Variants in MMP26 observed in about 807,000 individuals in gnomAD.
MMP26 encodes the protein matrix metalloproteinase-26.
Under a neutral mutation model 31.0 loss-of-function variants are expected in MMP26, and 33 were observed. That is an observed-to-expected ratio of 1.06 (90% CI 0.81 to 1.42). The LOEUF (loss-of-function observed/expected upper bound fraction) is 1.42, where lower values mean the gene tolerates loss of function less well. Ranked by LOEUF, MMP26 falls within the 40% of genes most tolerant of loss-of-function variation. The pLI is 0.00. For synonymous variants in MMP26, 122 were observed against 114.9 expected (o/e 1.06, Z -0.40); for missense variants, 347 against 316.1 (o/e 1.10, Z -0.74).
intron 2 of MMP26, among the ~76,000 whole-genome samples, chr11:4,881,551 T>C (rs1232354757): frequency 2.0e-5 from 3 of 152,142 alleles, no homozygotes; most frequent in Non-Finnish European, 4.4e-5. Context: ...GTACATCATA[T>C]ACAAGTATAA....
At chr11:4,955,503 A>G (rs1403048958) in intron 2 of MMP26, 1 of 1,307,438 alleles carries the variant, frequency 7.6e-7, no homozygotes, top group Admixed American at 2.0e-5. Context: ...CCCAAGTCTG[A>G]CATAGCCAAC....
chr11:4,933,669 C>A (rs113880840), intron 2 of MMP26, among the ~76,000 whole-genome samples: 1 of 150,770 alleles, frequency 6.6e-6, no homozygotes. Context: ...GTGCGCTGCA[C>A]CCACTAACTC....
chr11:4,866,934 C>T (rs1462756333), intron 2 of MMP26, among the ~76,000 whole-genome samples: 1 of 152,108 alleles, frequency 6.6e-6, no homozygotes, highest in Admixed American at 6.6e-5. Context: ...AAAATCAACT[C>T]AAGATGGACT....
chr11:4,828,650 C>A (rs1008658264), intron 2 of MMP26, among the ~76,000 whole-genome samples: 1 of 152,060 alleles, frequency 6.6e-6, no homozygotes, highest in Non-Finnish European at 1.5e-5. Context: ...TGAACACAAC[C>A]GTTTAGGGTT....
At chr11:4,759,831 A>G (rs768021485) in intron 1 of MMP26, among the ~76,000 whole-genome samples, 3 of 152,244 alleles carry the variant, frequency 2.0e-5, no homozygotes, top group Non-Finnish European at 4.4e-5. Context: ...AGAATGCACA[A>G]AAGAGGATGG....
intron 2 of MMP26, among the ~76,000 whole-genome samples, chr11:4,793,005 A>G (rs1316700225): frequency 1.3e-5 from 2 of 152,218 alleles, no homozygotes; most frequent in Non-Finnish European, 2.9e-5. Flanking sequence ...CTCAAGTGAA[A>G]CAAGACTTAA....
chr11:4,979,963 A>T (rs780045422), intron 2 of MMP26, among the ~76,000 whole-genome samples: 2 of 152,076 alleles, frequency 1.3e-5, no homozygotes, highest in Non-Finnish European at 2.9e-5. Context: ...CTCTGTCATG[A>T]TATAGACTTA....
Position 4,801,504 on chromosome 11 carries a change from TTTTATTTATTTATTTATTTA to T in MMP26, c.-145+34199_-145+34218del, listed in dbSNP as rs141208345. Among the ~76,000 whole-genome samples the T allele has an allele frequency of 1.5e-3, 210 of 135,718 alleles. 4 individuals are homozygous for T. The East Asian group carries it at 0.032, about 20-fold the overall frequency. The allele number at this position is 135,718 out of a possible 152,430, so 89.0% of individuals were successfully genotyped here. A position where few individuals can be genotyped will look rare whatever the true frequency, so the allele number is the denominator to read the frequency against. Reference sequence around the variant, plus strand: ...AAGGGGGAGGGGGAGGTCCCGGACTTTTTATTTATTTATTTATTTATTTATTTATTTATTTATTTATTTAT... The same window carrying T: ...AAGGGGGAGGGGGAGGTCCCGGACTTTTTATTTATTTATTTATTTATTTAT... On this transcript the variant is annotated intron_variant, in intron 2 of 7. Transcript: ENST00000380390.
chr11:4,961,928 G>T (rs1233393296), intron 2 of MMP26, among the ~76,000 whole-genome samples: 1 of 152,132 alleles, frequency 6.6e-6, no homozygotes, highest in Admixed American at 6.5e-5. Context: ...TAAATCATTT[G>T]CCTTTAATAT....
At chr11:4,732,744 A>G (rs947109582) in intron 1 of MMP26, among the ~76,000 whole-genome samples, 2 of 152,088 alleles carry the variant, frequency 1.3e-5, no homozygotes, top group African/African-American at 4.8e-5. Context: ...GGCTTTTTTC[A>G]TTTGGTGCAC....
In MMP26 at chr11:4,943,831, T is replaced by C; in HGVS notation, c.-144-44237T>C. 4.5e-6 allele frequency: 2 copies of C among 446,302 alleles called. 1 individual carries two copies. The highest frequency in any genetic ancestry group is 3.2e-5 in the South Asian group (2 of 61,684). 27.6% of individuals were successfully genotyped at this position (446,302 alleles called of 1,614,324 possible). Reference sequence around the variant, plus strand: ...CATTGAGATTTATGTATCTTTATTTTATTTTTCATTTCATTTTATTAAGAC... The same window carrying C: ...CATTGAGATTTATGTATCTTTATTTCATTTTTCATTTCATTTTATTAAGAC... On this transcript the variant is annotated intron_variant, in intron 2 of 7. Coordinates refer to ENST00000380390, the MANE Select transcript of MMP26 (RefSeq NM_021801.5).
intron 2 of MMP26, among the ~76,000 whole-genome samples, chr11:4,931,118 T>A (rs974702725): frequency 4.6e-5 from 7 of 152,034 alleles, no homozygotes; most frequent in African/African-American, 1.4e-4. Context: ...AAGCTTGAAT[T>A]TTTTGAGGAA....
chr11:4,951,872 G>A (rs1207928868), intron 2 of MMP26, among the ~76,000 whole-genome samples: 2 of 124,642 alleles, frequency 1.6e-5, no homozygotes, highest in African/African-American at 5.4e-5. Context: ...GTCTGCCCAC[G>A]ATTTAGCAAA....
chr11:4,730,507 G>A (rs1848160749), intron 1 of MMP26, among the ~76,000 whole-genome samples: 1 of 152,010 alleles, frequency 6.6e-6, no homozygotes, highest in African/African-American at 2.4e-5. Context: ...TGCTTTGTTA[G>A]ATCAGATTAG....
intron 2 of MMP26, among the ~76,000 whole-genome samples, chr11:4,932,798 T>G (rs1851369651): frequency 6.6e-6 from 1 of 152,132 alleles, no homozygotes; most frequent in Non-Finnish European, 1.5e-5. Context: ...CAAAGTCACT[T>G]TCTCAATTTC....
intron 2 of MMP26, among the ~76,000 whole-genome samples, chr11:4,963,001 A>G (rs759601328): frequency 3.3e-5 from 5 of 152,188 alleles, no homozygotes; most frequent in Non-Finnish European, 5.9e-5. Flanking sequence ...GCCAAGTCTC[A>G]TCCTGCCTAA....
chr11:4,791,929 A>G (rs1849033475), intron 2 of MMP26, among the ~76,000 whole-genome samples: 1 of 151,780 alleles, frequency 6.6e-6, no homozygotes, highest in African/African-American at 2.4e-5. Context: ...CTAATTGTTT[A>G]GGTTTTCTTT....
chr11:4,964,954 G>A (rs531703657), intron 2 of MMP26, among the ~76,000 whole-genome samples: 1 of 152,262 alleles, frequency 6.6e-6, no homozygotes, highest in African/African-American at 2.4e-5. Context: ...GAATTAGGAA[G>A]AATAGCTAAT....
intron 2 of MMP26, among the ~76,000 whole-genome samples, chr11:4,870,722 TGAAAA>T (rs1415953446): frequency 6.6e-6 from 1 of 152,080 alleles, no homozygotes; most frequent in African/African-American, 2.4e-5. Context: ...CTTAAGCAGA[TGAAAA>T]GAAAACGTTT....
Sources: gnomAD v4.1 joint callset for allele counts (sites outside exome capture counted in the v4.1 genomes callset) on GRCh38, gnomAD v4.1.1 for gene constraint, MANE v1.5 for transcripts, NCBI Gene and HGNC (gene_info 2026-07-23, HGNC 2026-07-21) for gene names.